TPMT: variants seen among roughly 807,000 people sequenced by gnomAD.
TPMT encodes S-adenosyl-L-methionine:thiopurine S-methyltransferase.
Under a neutral mutation model 34.2 loss-of-function variants are expected in TPMT, and 18 were observed. The ratio of observed to expected loss-of-function variants is 0.53; its 90% CI spans 0.36 to 0.78. TPMT has a LOEUF of 0.78. TPMT is among the 30% of genes least tolerant of loss of function. The probability of loss-of-function intolerance (pLI) is 0.00; values close to 1 mark genes in which losing one functional copy is unlikely to be tolerated. For missense variants in TPMT, 265 were observed against 288.1 expected (o/e 0.92, Z 0.58); for synonymous variants, 69 against 92.4 (o/e 0.75, Z 1.45).
chr6:18,137,873 C>A (rs1211259234), intron 6 of TPMT, among the ~76,000 whole-genome samples: 1 of 152,208 alleles, frequency 6.6e-6, no homozygotes. Flanking sequence ...GCAACCTCTG[C>A]CTCCTGGGTT....
chr6:18,139,153 A>C lies in TPMT; in HGVS notation c.420-116T>G. Reference sequence around the variant, plus strand: ...ACAATCGTCAAGGTATTAGGATCTCACGTCTGCGTTTCCTCCTAGAGGAAT... The same window carrying C: ...ACAATCGTCAAGGTATTAGGATCTCCCGTCTGCGTTTCCTCCTAGAGGAAT... On this transcript the variant is annotated intron_variant, in intron 5 of 8. Transcript: ENST00000309983. This position sits in a 1 kb window ranked among gnomAD's most constrained non-coding sequence, Gnocchi z 4.2. 220 of 934,716 alleles carry C rather than the reference A, an allele frequency of 2.4e-4. No homozygotes were observed. The highest frequency in any genetic ancestry group is 3.2e-4 in the Non-Finnish European group (180 of 569,290). The allele number at this position is 934,716 out of a possible 1,614,324, so 57.9% of individuals were successfully genotyped here.
In TPMT at chr6:18,149,101, GT is replaced by G; in HGVS notation, c.26del (p.Asp9AlafsTer16). The G allele has an allele frequency of 6.2e-7, 1 of 1,614,080 alleles. No homozygotes were observed. Reference sequence around the variant, plus strand: ...CCTCAGTATCCGAGTACTCTTCAATGTCAAGTGAAGTTCTTGTACCATCCAT... The same window carrying G: ...CCTCAGTATCCGAGTACTCTTCAATGCAAGTGAAGTTCTTGTACCATCCAT... MDGTRTSLDIEEYSDTEVQ... is the reference protein window; with the variant it reads MDGTRTSLXIEEYSDTEVQ... On this transcript the variant is annotated frameshift_variant, in exon 2 of 9. Coordinates refer to ENST00000309983, the MANE Select transcript of TPMT (RefSeq NM_000367.5). LOFTEE classifies it high-confidence loss of function. The surrounding 1 kb of genome is among the most constrained non-coding windows in gnomAD (Gnocchi z 5.0).
At chr6:18,151,577 T>TTG (rs542829023) in intron 1 of TPMT, among the ~76,000 whole-genome samples, 804 of 54,254 alleles carry the variant, frequency 0.015, 3 homozygotes, top group African/African-American at 0.031. Flanking sequence ...AACCTAGATT[T>TTG]ATTTATTTAT....
In TPMT at chr6:18,148,973, C is replaced by T. The variant is rs764858046; in HGVS notation, c.140+15G>A. 6 of 1,612,678 alleles carry T rather than the reference C, an allele frequency of 3.7e-6. No individual in the cohort carries two copies. The highest frequency in any genetic ancestry group is 5.1e-6 in the Non-Finnish European group (6 of 1,179,872). ...TGATAGAACATTTCTCTATTGTATA[C>T]CAAATATTTCTTACTGATGTCCTTG... On this transcript the variant is annotated intron_variant, in intron 2 of 8. Transcript: ENST00000309983. The surrounding 1 kb of genome is among the most constrained non-coding windows in gnomAD (Gnocchi z 4.1).
In TPMT at chr6:18,136,169, A is replaced by G. The variant is rs1042950846; in HGVS notation, c.495-2280T>C. On this transcript the variant is annotated intron_variant, in intron 6 of 8. Transcript: ENST00000309983. The surrounding 1 kb of genome is among the most constrained non-coding windows in gnomAD (Gnocchi z 4.7). Reference sequence around the variant, plus strand: ...CTGTAGAAGGACTAACCTCTAAGGAATGGATGATCATCTTCAGGGAGTGGG... The same window carrying G: ...CTGTAGAAGGACTAACCTCTAAGGAGTGGATGATCATCTTCAGGGAGTGGG... Among the ~76,000 whole-genome samples, 1 of 151,988 alleles carries G rather than the reference A, an allele frequency of 6.6e-6. No homozygotes were observed. Among genetic ancestry groups the G allele is most frequent in the African/African-American group, 2.4e-5 (1 of 41,410 alleles).
intron 4 of TPMT, among the ~76,000 whole-genome samples, chr6:18,142,165 TC>T (rs1784154913): frequency 6.6e-6 from 1 of 151,898 alleles, no homozygotes; most frequent in Non-Finnish European, 1.5e-5. Flanking sequence ...AAGTCCCCTC[TC>T]TCTCACTAAA....
At chr6:18,133,728 C>A (rs1295119183) in intron 7 of TPMT, 76 bp downstream of exon 7, 1 of 1,102,578 alleles carries the variant, frequency 9.1e-7, no homozygotes, top group Non-Finnish European at 1.3e-6. Flanking sequence ...GAAAATAATT[C>A]TTATCCATGT....
rs1783890198 is a variant in TPMT, at chr6:18,129,296, G to A, written c.*1372C>T. 2 of 152,182 alleles carry A rather than the reference G, an allele frequency of 1.3e-5. No individual in the cohort carries two copies. Among genetic ancestry groups the A allele is most frequent in the African/African-American group, 2.4e-5 (1 of 41,444 alleles). 9.4% of individuals were successfully genotyped at this position (152,182 alleles called of 1,614,324 possible). A position where few individuals can be genotyped will look rare whatever the true frequency, so the allele number is the denominator to read the frequency against. Reference sequence around the variant, plus strand: ...TATTAGAATACATCGATGGCAGAGAGCTTCTAGGGTAGAAGTTTGTACATG... The same window carrying A: ...TATTAGAATACATCGATGGCAGAGAACTTCTAGGGTAGAAGTTTGTACATG... On this transcript the variant is annotated 3_prime_UTR_variant, in exon 9 of 9. Transcript: ENST00000309983.
chr6:18,139,112 G>T lies in TPMT; in HGVS notation c.420-75C>A. 1.6e-6 allele frequency: 2 copies of T among 1,249,960 alleles called. No homozygotes were observed. The highest frequency in any genetic ancestry group is 2.4e-6 in the Non-Finnish European group (2 of 847,760). The allele number at this position is 1,249,960 out of a possible 1,614,324, so 77.4% of individuals were successfully genotyped here. A position where few individuals can be genotyped will look rare whatever the true frequency, so the allele number is the denominator to read the frequency against. On this transcript the variant is annotated intron_variant, in intron 5 of 8. Transcript: ENST00000309983. The surrounding 1 kb of genome is among the most constrained non-coding windows in gnomAD (Gnocchi z 4.2). Reference sequence around the variant, plus strand: ...GAAGATGAGCAGCGTCCCCCATGGTGCATGCTGGTACTTCAACAATCGTCA... The same window carrying T: ...GAAGATGAGCAGCGTCCCCCATGGTTCATGCTGGTACTTCAACAATCGTCA...
At position 18,133,791 on chromosome 6, in the gene TPMT, C is replaced by G. The variant is rs866583959; in HGVS notation, c.580+13G>C. 8.1e-7 allele frequency: 1 copy of G among 1,239,110 alleles called. No homozygotes were observed. The highest frequency in any genetic ancestry group is 1.4e-5 in the South Asian group (1 of 71,174). 76.8% of individuals were successfully genotyped at this position (1,239,110 alleles called of 1,614,324 possible). On this transcript the variant is annotated intron_variant, in intron 7 of 8. Coordinates refer to ENST00000309983, the MANE Select transcript of TPMT (RefSeq NM_000367.5). ...AACTGGTAAAAGAAAAAAAAAAAAC[C>G]CAACAACTTTACCTGGATGTTTAGT...
Position 18,149,533 on chromosome 6 carries a change from T to G in TPMT, c.-44-362A>C, listed in dbSNP as rs1298396588. 6.6e-6 allele frequency among the ~76,000 whole-genome samples: 1 copy of G among 151,750 alleles called. No homozygotes were observed. The highest frequency in any genetic ancestry group is 2.4e-5 in the African/African-American group (1 of 41,316). On this transcript the variant is annotated intron_variant, in intron 1 of 8. Transcript: ENST00000309983. The surrounding 1 kb of genome is among the most constrained non-coding windows in gnomAD (Gnocchi z 5.0). ...ACCCAGGCTGGAGACCCTGGCTTACTGCAAGCTTCAACCTCCTGGGCTCAA... is the reference window on the plus strand; with the variant it reads ...ACCCAGGCTGGAGACCCTGGCTTACGGCAAGCTTCAACCTCCTGGGCTCAA...
rs561786637 is a variant in TPMT, at chr6:18,145,961, T to G, written c.233+1862A>C. Among the ~76,000 whole-genome samples the G allele has an allele frequency of 1.2e-4, 18 of 152,170 alleles. 2 individuals are homozygous for G. Among genetic ancestry groups the G allele is most frequent in the African/African-American group, 4.3e-4 (18 of 41,532 alleles). On this transcript the variant is annotated intron_variant, in intron 3 of 8. Transcript: ENST00000309983. This position sits in a 1 kb window ranked among gnomAD's most constrained non-coding sequence, Gnocchi z 5.6. ...CTGCACTCCACCCTGGGTGACAGAG[T>G]GGGACTGTCTCAAAAAACCAAAAAC...
In TPMT at chr6:18,149,664, T is replaced by G. The variant is rs776585343; in HGVS notation, c.-44-493A>C. Among the ~76,000 whole-genome samples, 1 of 152,044 alleles carries G rather than the reference T, an allele frequency of 6.6e-6. No individual in the cohort carries two copies. The highest frequency in any genetic ancestry group is 1.5e-5 in the Non-Finnish European group (1 of 68,016). On this transcript the variant is annotated intron_variant, in intron 1 of 8. Coordinates refer to ENST00000309983, the MANE Select transcript of TPMT (RefSeq NM_000367.5). This position sits in a 1 kb window ranked among gnomAD's most constrained non-coding sequence, Gnocchi z 5.0. Reference sequence around the variant, plus strand: ...TATTTTTTAATAGAGATGGTTCTCATTTTGTTGTCCAGACAACAAAGAACG... The same window carrying G: ...TATTTTTTAATAGAGATGGTTCTCAGTTTGTTGTCCAGACAACAAAGAACG...
rs1784104754 is a variant in TPMT, at chr6:18,139,589, A to C, written c.419+76T>G. The C allele has an allele frequency of 2.6e-6, 3 of 1,159,962 alleles. No individual in the cohort carries two copies. Among genetic ancestry groups the C allele is most frequent in the Non-Finnish European group, 3.9e-6 (3 of 773,294 alleles). The allele number at this position is 1,159,962 out of a possible 1,614,324, so 71.9% of individuals were successfully genotyped here. On this transcript the variant is annotated intron_variant, in intron 5 of 8. Coordinates refer to ENST00000309983, the MANE Select transcript of TPMT (RefSeq NM_000367.5). This position sits in a 1 kb window ranked among gnomAD's most constrained non-coding sequence, Gnocchi z 4.2. ...ACACAGGAGGAAGAGAGTGAGGAAG[A>C]CACCTCCACTCCCATGCCTGCACTG...
intron 7 of TPMT, 27 bp downstream of exon 7, chr6:18,133,777 G>GAAAAAAA (rs61224942): frequency 3.0e-6 from 4 of 1,348,680 alleles, no homozygotes; most frequent in Admixed American, 2.1e-5. Flanking sequence ...ACTGGTAAAA[G>GAAAAAAA]AAAAAAAAAA....
Position 18,139,471 on chromosome 6 carries a change from C to G in TPMT, c.419+194G>C, listed in dbSNP as rs947766195. 6.6e-6 allele frequency among the ~76,000 whole-genome samples: 1 copy of G among 152,238 alleles called. No individual in the cohort carries two copies. Among genetic ancestry groups the G allele is most frequent in the East Asian group, 1.9e-4 (1 of 5,180 alleles). On this transcript the variant is annotated intron_variant, in intron 5 of 8. Coordinates refer to ENST00000309983, the MANE Select transcript of TPMT (RefSeq NM_000367.5). This position sits in a 1 kb window ranked among gnomAD's most constrained non-coding sequence, Gnocchi z 4.2. ...GCCTCAGTTTCCCATAGTTTGGGAG[C>G]TAACCAAAGACAAAACACATTAAAG...
At position 18,139,162 on chromosome 6, in the gene TPMT, T is replaced by G; in HGVS notation, c.420-125A>C. 1 of 896,826 alleles carries G rather than the reference T, an allele frequency of 1.1e-6. No individual in the cohort carries two copies. The highest frequency in any genetic ancestry group is 1.9e-6 in the Non-Finnish European group (1 of 539,156). The allele number at this position is 896,826 out of a possible 1,614,324, so 55.6% of individuals were successfully genotyped here. On this transcript the variant is annotated intron_variant, in intron 5 of 8. Coordinates refer to ENST00000309983, the MANE Select transcript of TPMT (RefSeq NM_000367.5). This position sits in a 1 kb window ranked among gnomAD's most constrained non-coding sequence, Gnocchi z 4.2. ...AAGGTATTAGGATCTCACGTCTGCGTTTCCTCCTAGAGGAATGTGTGGACC... is the reference window on the plus strand; with the variant it reads ...AAGGTATTAGGATCTCACGTCTGCGGTTCCTCCTAGAGGAATGTGTGGACC...
intron 3 of TPMT, among the ~76,000 whole-genome samples, chr6:18,144,112 T>C (rs917466068): frequency 1.3e-5 from 2 of 152,188 alleles, no homozygotes; most frequent in Non-Finnish European, 1.5e-5. Context: ...TTGATGAAAA[T>C]GTCTATATCT....
In TPMT at chr6:18,139,626, T is replaced by C. The variant is rs542968361; in HGVS notation, c.419+39A>G. ...CCATGCCTGCACTGCCTGGCAAGCA[T>C]TCAAATTTTTTAAAGTGCAGATGTA... is the stretch of plus-strand genomic sequence containing the variant. On this transcript the variant is annotated intron_variant, in intron 5 of 8. Transcript: ENST00000309983. This position sits in a 1 kb window ranked among gnomAD's most constrained non-coding sequence, Gnocchi z 4.2. 2.7e-5 allele frequency: 42 copies of C among 1,559,444 alleles called. No individual in the cohort carries two copies. The South Asian group carries it at 3.6e-4, about 13-fold the overall frequency.
Sources: allele counts gnomAD v4.1 joint callset (sites outside exome capture counted in the v4.1 genomes callset), GRCh38; gene constraint gnomAD v4.1.1; non-coding constraint Gnocchi (gnomAD v3.1); transcripts MANE v1.5; gene names NCBI Gene and HGNC (gene_info 2026-07-23, HGNC 2026-07-21).